PPP1R12A: variants seen among roughly 807,000 people sequenced by gnomAD.
PPP1R12A encodes the protein protein phosphatase 1 regulatory subunit 12A.
PPP1R12A carries 19 observed loss-of-function variants against 139.6 expected under a neutral mutation model. That is an observed-to-expected ratio of 0.14 (90% CI 0.09 to 0.20). The LOEUF (loss-of-function observed/expected upper bound fraction) is 0.20. Among genes scored for constraint, PPP1R12A ranks in the 10% least tolerant of loss-of-function variants. The pLI is 1.00. For synonymous variants in PPP1R12A, 427 were observed against 420.6 expected, an observed-to-expected ratio of 1.02 and a Z score of -0.19; for missense variants, 925 against 1,211.5, an observed-to-expected ratio of 0.76 and a Z score of 3.51.
intron 1 of PPP1R12A, among the ~76,000 whole-genome samples, chr12:79,931,492 C>T (rs1212310382): frequency 6.6e-6 from 1 of 152,084 alleles, no homozygotes. Flanking sequence ...ACAGGCTAAA[C>T]TCAAAACTGC....
chr12:79,794,145 T>C (rs1872223531), intron 18 of PPP1R12A, among the ~76,000 whole-genome samples: 1 of 152,058 alleles, frequency 6.6e-6, no homozygotes, highest in Non-Finnish European at 1.5e-5. Flanking sequence ...GTAGGGCTCA[T>C]TATACTATTA....
chr12:79,858,928 C>G (rs1277864854), intron 2 of PPP1R12A, among the ~76,000 whole-genome samples: 2 of 152,176 alleles, frequency 1.3e-5, no homozygotes, highest in Non-Finnish European at 2.9e-5. Flanking sequence ...TTCAATAAAA[C>G]TGTCATGTTA....
intron 1 of PPP1R12A, among the ~76,000 whole-genome samples, chr12:79,914,960 G>A: frequency 6.6e-6 from 1 of 152,010 alleles, no homozygotes; most frequent in East Asian, 1.9e-4. Flanking sequence ...AGAAGCCCCA[G>A]TTCTATGAGA....
At chr12:79,877,012 G>GAA (rs11417001) in intron 1 of PPP1R12A, among the ~76,000 whole-genome samples, 12 of 150,456 alleles carry the variant, frequency 8.0e-5, no homozygotes, top group African/African-American at 2.4e-4. Flanking sequence ...CTCCATCTCA[G>GAA]AAAAAAAAAG....
chr12:79,822,811 A>AT (rs34115550), intron 5 of PPP1R12A, among the ~76,000 whole-genome samples: 1,944 of 129,810 alleles, frequency 0.015, 34 homozygotes, highest in African/African-American at 0.034. Context: ...GGACATCTGC[A>AT]TTTTTTTTTT....
chr12:79,928,066 T>G (rs1887980506), intron 1 of PPP1R12A, among the ~76,000 whole-genome samples: 1 of 152,232 alleles, frequency 6.6e-6, no homozygotes, highest in South Asian at 2.1e-4. Flanking sequence ...TTTAAATAGT[T>G]TTCTTTTAAA....
At chr12:79,814,491 A>AG (rs1794469566) in intron 9 of PPP1R12A, among the ~76,000 whole-genome samples, 1 of 144,202 alleles carries the variant, frequency 6.9e-6, no homozygotes, top group East Asian at 2.0e-4. Flanking sequence ...AAAAAAAAAA[A>AG]AAAAAAAAAG....
chr12:79,783,455 G>A (rs564490633), intron 22 of PPP1R12A, among the ~76,000 whole-genome samples: 9 of 152,044 alleles, frequency 5.9e-5, no homozygotes, highest in East Asian at 5.8e-4. Context: ...GTGACACAGC[G>A]AGATGCTGTA....
rs565581385 is a variant in PPP1R12A, at chr12:79,855,712, A to C, written c.369-10292T>G. Among the ~76,000 whole-genome samples, 3 of 152,276 alleles carry C rather than the reference A, an allele frequency of 2.0e-5. No individual in the cohort carries two copies. In the South Asian group the frequency reaches 6.2e-4, roughly 32 times the overall value. ...CACAAAATTATTTCTGCAAAAAAAAAACAAACCACACATTTACAGTTAAGT... is the reference window on the plus strand; with the variant it reads ...CACAAAATTATTTCTGCAAAAAAAACACAAACCACACATTTACAGTTAAGT... On this transcript the variant is annotated intron_variant, in intron 2 of 24. Transcript: ENST00000450142.
intron 2 of PPP1R12A, among the ~76,000 whole-genome samples, chr12:79,863,712 T>A (rs911425784): frequency 2.1e-5 from 3 of 144,834 alleles, no homozygotes; most frequent in Non-Finnish European, 4.5e-5. Flanking sequence ...AAACAGACTT[T>A]AAACCAACAA....
At chr12:79,796,719 G>T in intron 17 of PPP1R12A, 63 bp downstream of exon 17, 1 of 1,310,168 alleles carries the variant, frequency 7.6e-7, no homozygotes, top group Non-Finnish European at 1.0e-6. Context: ...TATTATTTAG[G>T]AAACCCTAAT....
intron 1 of PPP1R12A, among the ~76,000 whole-genome samples, chr12:79,890,902 CA>C: frequency 2.3e-5 from 1 of 43,050 alleles, no homozygotes; most frequent in Non-Finnish European, 3.5e-5. Context: ...CACCCACACC[CA>C]CCCACACACA....
chr12:79,838,515 T>C (rs1592693790), intron 3 of PPP1R12A, among the ~76,000 whole-genome samples: 1 of 152,186 alleles, frequency 6.6e-6, no homozygotes, highest in East Asian at 1.9e-4. Flanking sequence ...GCCCTTCCCA[T>C]CACAGGCCTG....
rs1374858641 is a variant in PPP1R12A at position 79,805,621 on chromosome 12, G to C, written c.1971C>G (p.Ser657=). 7 of 1,613,724 alleles carry C rather than the reference G, an allele frequency of 4.3e-6. No homozygotes were observed. The highest frequency in any genetic ancestry group is 5.9e-6 in the Non-Finnish European group (7 of 1,179,774). ...GTCTCTCCCTGACCTCTGTTGTGGA[G>C]GAGACAGTGCCAGCAGTAGTTGTAG... The part of the protein sequence containing the change: ...TLTTTTAGTV[S]STTEVRERRR... The change falls in exon 14 of 25, where the codon TCC becomes TCG. Residue 657 remains serine, a synonymous_variant. Coordinates refer to ENST00000450142, the MANE Select transcript of PPP1R12A (RefSeq NM_002480.3).
chr12:79,883,882 G>A (rs1883871505), intron 1 of PPP1R12A, among the ~76,000 whole-genome samples: 1 of 152,050 alleles, frequency 6.6e-6, no homozygotes, highest in African/African-American at 2.4e-5. Context: ...TAGTACAGAA[G>A]ACAAATACAA....
chr12:79,873,496 T>TAAAA (rs35604870), intron 1 of PPP1R12A, among the ~76,000 whole-genome samples: 11 of 134,786 alleles, frequency 8.2e-5, no homozygotes, highest in Admixed American at 2.2e-4. Context: ...ACTCATAATT[T>TAAAA]AAAAAAAAAA....
At chr12:79,810,198 T>C (rs988603710) in intron 9 of PPP1R12A, among the ~76,000 whole-genome samples, 188 bp from the exon 10 acceptor site, 9 of 152,160 alleles carry the variant, frequency 5.9e-5, no homozygotes, top group Non-Finnish European at 1.3e-4. Flanking sequence ...TTTAAAGAAA[T>C]AGACTACCTT....
chr12:79,786,586 G>T, intron 21 of PPP1R12A, 108 bp from the exon 22 acceptor site: 2 of 641,814 alleles, frequency 3.1e-6, no homozygotes, highest in Non-Finnish European at 5.0e-6. Context: ...TAGCATATGA[G>T]CTATAAAGGA....
chr12:79,776,331 A>G (rs1869717711), intron 24 of PPP1R12A, among the ~76,000 whole-genome samples: 2 of 152,116 alleles, frequency 1.3e-5, no homozygotes, highest in Non-Finnish European at 2.9e-5. Flanking sequence ...TGTTTTTGTT[A>G]GGATAGGCTC....
Sources: gnomAD v4.1 joint callset for allele counts (sites outside exome capture counted in the v4.1 genomes callset) on GRCh38, gnomAD v4.1.1 for gene constraint, MANE v1.5 for transcripts, NCBI Gene and HGNC (gene_info 2026-07-23, HGNC 2026-07-21) for gene names.